Variants in PCDHGB4 observed in about 807,000 individuals in gnomAD.
PCDHGB4 encodes the protein protocadherin gamma-B4.
A neutral mutation model predicts 60.5 loss-of-function variants in PCDHGB4; 38 were observed. The observed-to-expected ratio is 0.63, with a 90% confidence interval of 0.48 to 0.82. PCDHGB4 has a LOEUF of 0.82. PCDHGB4 is among the 40% of genes least tolerant of loss of function. The pLI is 0.00. For missense variants in PCDHGB4, 1,109 were observed against 1,209.6 expected (o/e 0.92, Z 1.23); for synonymous variants, 456 against 509.7 (o/e 0.89, Z 1.42).
intron 1 of PCDHGB4, among the ~76,000 whole-genome samples, chr5:141,447,725 C>T (rs1009407606): frequency 1.3e-5 from 2 of 152,174 alleles, no homozygotes; most frequent in African/African-American, 4.8e-5. Context: ...TTTTCCAAAA[C>T]TCATTGAACT....
chr5:141,396,908 C>CA (rs1453541436), intron 1 of PCDHGB4, among the ~76,000 whole-genome samples: 1 of 152,146 alleles, frequency 6.6e-6, no homozygotes, highest in African/African-American at 2.4e-5. Flanking sequence ...TGGCACTTTG[C>CA]AATTTTAAAA....
At chr5:141,497,223 T>C (rs921763195) in intron 2 of PCDHGB4, among the ~76,000 whole-genome samples, 1 of 151,762 alleles carries the variant, frequency 6.6e-6, no homozygotes, top group Admixed American at 6.6e-5. Context: ...GGGGGGAAGA[T>C]CAGAGAAGGC....
chr5:141,511,400 T>A lies in PCDHGB4; in HGVS notation c.*227T>A, dbSNP rs1208021848. On this transcript the variant is annotated 3_prime_UTR_variant, in exon 4 of 4. Coordinates refer to ENST00000519479, the MANE Select transcript of PCDHGB4 (RefSeq NM_003736.4). ...AGTTCCGCTGGGAACCCCCATCCAA[T>A]CAACTGCTGTACCCATGGGGGTAGT... 1.1e-5 allele frequency: 11 copies of A among 982,132 alleles called. No individual in the cohort carries two copies. Among genetic ancestry groups the A allele is most frequent in the African/African-American group, 3.3e-5 (2 of 60,924 alleles). 60.8% of individuals were successfully genotyped at this position (982,132 alleles called of 1,614,324 possible).
Position 141,390,134 on chromosome 5 carries a change from C to T in PCDHGB4, c.2250C>T (p.Tyr750=), listed in dbSNP as rs758087998. ...NYSEGTLPYS[Y]NLCVAHTGKT... ...GCGAGGGGACTTTGCCTTATTCCTACAATCTATGTGTTGCACATACAGGAA... is the reference window on the plus strand; with the variant it reads ...GCGAGGGGACTTTGCCTTATTCCTATAATCTATGTGTTGCACATACAGGAA... The change falls in exon 1 of 4, where the codon TAC becomes TAT. Residue 750 remains tyrosine (Y), a synonymous_variant. Coordinates refer to ENST00000519479, the MANE Select transcript of PCDHGB4 (RefSeq NM_003736.4). The T allele has an allele frequency of 1.2e-5, 20 of 1,613,930 alleles. No homozygotes were observed. The Admixed American group carries it at 1.8e-4, about 15-fold the overall frequency.
intron 1 of PCDHGB4, chr5:141,409,940 C>G: frequency 6.2e-7 from 1 of 1,613,236 alleles, no homozygotes. Flanking sequence ...TATGGTACCT[C>G]GCTCTGCAGA....
chr5:141,433,671 A>G (rs1376085577), intron 1 of PCDHGB4, among the ~76,000 whole-genome samples: 12 of 152,058 alleles, frequency 7.9e-5, no homozygotes, highest in Admixed American at 7.2e-4. Flanking sequence ...CCCCGTCTAT[A>G]CTAAAAAAAT....
Position 141,476,477 on chromosome 5 carries a change from G to C in PCDHGB4, c.2398-18330G>C. ...GGAGAACCCGCTGGAGCTGTTCAGCGTGGAAGTGGTGATCCAGGACATCAA... is the reference window on the plus strand; with the variant it reads ...GGAGAACCCGCTGGAGCTGTTCAGCCTGGAAGTGGTGATCCAGGACATCAA... On this transcript the variant is annotated intron_variant, in intron 1 of 3. Coordinates refer to ENST00000519479, the MANE Select transcript of PCDHGB4 (RefSeq NM_003736.4). The surrounding 1 kb of genome is among the most constrained non-coding windows in gnomAD (Gnocchi z 7.6). The C allele has an allele frequency of 5.0e-6, 8 of 1,614,078 alleles. No homozygotes were observed. Among genetic ancestry groups the C allele is most frequent in the Non-Finnish European group, 6.8e-6 (8 of 1,180,018 alleles).
At chr5:141,409,052 A>C in intron 1 of PCDHGB4, 2 of 1,614,050 alleles carry the variant, frequency 1.2e-6, no homozygotes, top group African/African-American at 1.3e-5. Context: ...CTTCCGAAGC[A>C]CTGCCCAGAG....
Position 141,389,176 on chromosome 5 carries a change from C to G in PCDHGB4, c.1292C>G (p.Ser431Cys), listed in dbSNP as rs775758481. 6.2e-7 allele frequency: 1 copy of G among 1,614,064 alleles called. No individual in the cohort carries two copies. Among genetic ancestry groups the G allele is most frequent in the South Asian group, 1.1e-5 (1 of 91,086 alleles). ...TATDRGKPPL[S>C]SSSSITLHIG... ...ACAGATCGGGGCAAGCCTCCCCTCT[C>G]CTCCAGTTCCAGCATCACCCTGCAC... is the stretch of plus-strand genomic sequence containing the variant. Residue 431 changes from serine (S) to cysteine (C), a missense_variant, in exon 1 of 4, where the codon TCC (serine) becomes TGC (cysteine). Ser to Cys is a moderately radical substitution (Grantham distance 112). This residue lies in a region of PCDHGB4 where 1,068 missense variants were observed against 1,089.9 expected (regional missense o/e 0.98). Coordinates refer to ENST00000519479, the MANE Select transcript of PCDHGB4 (RefSeq NM_003736.4).
chr5:141,494,815 G>T lies in PCDHGB4; in HGVS notation c.2406G>T (p.Pro802=). The change falls in exon 2 of 4, where the codon CCG becomes CCT. Residue 802 remains proline, a synonymous_variant. Transcript: ENST00000519479. ...CTCTGTTTTCTCCACAGCAAGCCCC[G>T]CCCAACACGGACTGGCGTTTCTCTC... The part of the protein sequence containing the change: ...SSELTSHQQA[P]PNTDWRFSQA... 1.2e-6 allele frequency: 2 copies of T among 1,613,976 alleles called. No individual in the cohort carries two copies. The highest frequency in any genetic ancestry group is 1.1e-5 in the South Asian group (1 of 91,072).
chr5:141,511,581 T>C lies in PCDHGB4; in HGVS notation c.*408T>C, dbSNP rs2099883862. ...TCTTTCCCGAGTAAGGTGGTTGGGG[T>C]GTTGAAGTACCAAGTAACCTACAAG... On this transcript the variant is annotated 3_prime_UTR_variant, in exon 4 of 4. Transcript: ENST00000519479. 1 of 281,638 alleles carries C rather than the reference T, an allele frequency of 3.6e-6. No homozygotes were observed. The highest frequency in any genetic ancestry group is 2.2e-5 in the African/African-American group (1 of 46,302). 17.4% of individuals were successfully genotyped at this position (281,638 alleles called of 1,614,324 possible). A position where few individuals can be genotyped will look rare whatever the true frequency, so the allele number is the denominator to read the frequency against.
chr5:141,408,609 AG>A, intron 1 of PCDHGB4: 3 of 1,614,088 alleles, frequency 1.9e-6, no homozygotes, highest in Non-Finnish European at 1.7e-6. Context: ...TTTGATAAAA[AG>A]GAAATACATT....
intron 1 of PCDHGB4, chr5:141,392,738 T>C (rs2150490352): frequency 4.2e-6 from 6 of 1,433,676 alleles, no homozygotes; most frequent in Non-Finnish European, 5.5e-6. Flanking sequence ...GTCATCTCCA[T>C]AGCTGCGGCA....
In PCDHGB4 at chr5:141,404,391, A is replaced by T. The variant is rs773558298; in HGVS notation, c.2397+14110A>T. On this transcript the variant is annotated intron_variant, in intron 1 of 3. Transcript: ENST00000519479. ...TTCTCCGTGATTGCCTATGACCCTG[A>T]TAGCAATGAGAATTCTAGAGTTATT... 3.7e-6 allele frequency: 6 copies of T among 1,613,806 alleles called. No homozygotes were observed. Among genetic ancestry groups the T allele is most frequent in the Non-Finnish European group, 5.1e-6 (6 of 1,179,894 alleles).
intron 1 of PCDHGB4, chr5:141,414,594 C>T: frequency 1.2e-6 from 2 of 1,613,952 alleles, no homozygotes; most frequent in Non-Finnish European, 1.7e-6. Flanking sequence ...CCAGGGGTGC[C>T]TCCATCTTCT....
intron 1 of PCDHGB4, among the ~76,000 whole-genome samples, chr5:141,449,290 G>A (rs1255760925): frequency 1.3e-5 from 2 of 151,934 alleles, no homozygotes; most frequent in Admixed American, 6.6e-5. Context: ...CGGATGCACC[G>A]GGTGAATTAT....
In PCDHGB4 at chr5:141,432,770, G is replaced by A. The variant is rs930442281; in HGVS notation, c.2397+42489G>A. The A allele has an allele frequency of 6.2e-7, 1 of 1,614,128 alleles. No individual in the cohort carries two copies. On this transcript the variant is annotated intron_variant, in intron 1 of 3. Coordinates refer to ENST00000519479, the MANE Select transcript of PCDHGB4 (RefSeq NM_003736.4). This position sits in a 1 kb window ranked among gnomAD's most constrained non-coding sequence, Gnocchi z 6.0. ...GGCCGTGGCCGACAGCATCCCCCAAGTCCTGGCGGACCTCGGCAGCCTCGA... is the reference window on the plus strand; with the variant it reads ...GGCCGTGGCCGACAGCATCCCCCAAATCCTGGCGGACCTCGGCAGCCTCGA...
At chr5:141,421,318 C>A (rs370020854) in intron 1 of PCDHGB4, 1 of 1,613,822 alleles carries the variant, frequency 6.2e-7, no homozygotes. Context: ...CCGGGCCAGG[C>A]AGATCCGATA....
chr5:141,418,498 C>T (rs181453589), intron 1 of PCDHGB4: 10 of 1,613,968 alleles, frequency 6.2e-6, no homozygotes, highest in East Asian at 2.2e-5. Context: ...TGGTACTGAC[C>T]GCCTTAGATG....
Sources: gnomAD v4.1 joint callset for allele counts (sites outside exome capture counted in the v4.1 genomes callset) on GRCh38, gnomAD v4.1.1 for gene constraint, gnomAD v4.1.1 regional missense constraint, Gnocchi (gnomAD v3.1) non-coding constraint, MANE v1.5 for transcripts, NCBI Gene and HGNC (gene_info 2026-07-23, HGNC 2026-07-21) for gene names.